The following PDE3A variants were observed in gnomAD, a reference collection of about 807,000 sequenced individuals.
PDE3A encodes phosphodiesterase 3A.
PDE3A carries 43 observed loss-of-function variants against 98.3 expected under a neutral mutation model. The observed-to-expected ratio is 0.44, with a 90% CI of 0.34 to 0.56. The LOEUF (loss-of-function observed/expected upper bound fraction) is 0.56, where lower values mean the gene tolerates loss of function less well. Among genes scored for constraint, PDE3A ranks in the 20% least tolerant of loss-of-function variants. The pLI, the probability that PDE3A is intolerant of heterozygous loss-of-function variation, is 0.01. For missense variants in PDE3A, 1,427 were observed against 1,440.7 expected, an observed-to-expected ratio of 0.99 and a Z score of 0.15; for synonymous variants, 663 against 567.9, an observed-to-expected ratio of 1.17 and a Z score of -2.38.
chr12:20,685,670 C>T lies in PDE3A; in HGVS notation c.*5399C>T, dbSNP rs1945941993. On this transcript the variant is annotated 3_prime_UTR_variant, in exon 16 of 16. Coordinates refer to ENST00000359062, the MANE Select transcript of PDE3A (RefSeq NM_000921.5). Reference sequence around the variant, plus strand: ...TTTCCAGATACAGCTAGTTTTTCTCCACATGTTTTTAAGGTTGATTTCCTT... The same window carrying T: ...TTTCCAGATACAGCTAGTTTTTCTCTACATGTTTTTAAGGTTGATTTCCTT... Among the ~76,000 whole-genome samples, 1 of 152,070 alleles carries T rather than the reference C, an allele frequency of 6.6e-6. No homozygotes were observed. Among genetic ancestry groups the T allele is most frequent in the Non-Finnish European group, 1.5e-5 (1 of 68,002 alleles).
At chr12:20,562,232 T>G (rs1942542519) in intron 2 of PDE3A, among the ~76,000 whole-genome samples, 1 of 150,862 alleles carries the variant, frequency 6.6e-6, no homozygotes, top group East Asian at 1.9e-4. Flanking sequence ...TTTTTTTTTT[T>G]TTTTTTGGAG....
At chr12:20,596,991 G>A (rs755359507) in intron 2 of PDE3A, among the ~76,000 whole-genome samples, 6 of 152,056 alleles carry the variant, frequency 3.9e-5, no homozygotes, top group African/African-American at 7.2e-5. Context: ...GTAGGGCTTC[G>A]GATCCAGACT....
At chr12:20,569,884 C>T (rs759157232) in intron 2 of PDE3A, among the ~76,000 whole-genome samples, 14 of 152,118 alleles carry the variant, frequency 9.2e-5, no homozygotes, top group Admixed American at 2.6e-4. Context: ...GCTTCACTAA[C>T]GTATTTATGG....
chr12:20,514,907 C>G (rs1033966049), intron 1 of PDE3A, among the ~76,000 whole-genome samples: 1 of 152,178 alleles, frequency 6.6e-6, no homozygotes, highest in African/African-American at 2.4e-5. Flanking sequence ...ATACCTGACA[C>G]TGGGTAACTT....
At chr12:20,502,857 G>C (rs1233250474) in intron 1 of PDE3A, among the ~76,000 whole-genome samples, 2 of 152,098 alleles carry the variant, frequency 1.3e-5, no homozygotes, top group African/African-American at 4.8e-5. Flanking sequence ...TTAAGAAGTG[G>C]TGTTTGGGAG....
At chr12:20,551,813 G>C in intron 1 of PDE3A, 6 of 1,613,974 alleles carry the variant, frequency 3.7e-6, no homozygotes, top group Non-Finnish European at 5.1e-6. Flanking sequence ...TCCTCACAGC[G>C]GGACTGGGAC....
intron 1 of PDE3A, among the ~76,000 whole-genome samples, chr12:20,394,962 A>T (rs1435395971): frequency 6.6e-6 from 1 of 152,088 alleles, no homozygotes; most frequent in African/African-American, 2.4e-5. Flanking sequence ...GATATATCTT[A>T]GATTATTGTG....
chr12:20,499,089 G>A (rs781655812), intron 1 of PDE3A, among the ~76,000 whole-genome samples: 1 of 152,172 alleles, frequency 6.6e-6, no homozygotes, highest in African/African-American at 2.4e-5. Flanking sequence ...GATGGGTCCT[G>A]TTGTGTGCTC....
chr12:20,649,974 G>C (rs1359348866), intron 13 of PDE3A, among the ~76,000 whole-genome samples: 1 of 151,894 alleles, frequency 6.6e-6, no homozygotes, highest in African/African-American at 2.4e-5. Context: ...ATTTAAAAAA[G>C]CATTTGTTGC....
intron 2 of PDE3A, among the ~76,000 whole-genome samples, chr12:20,612,288 G>T (rs1943876597): frequency 6.6e-6 from 1 of 151,082 alleles, no homozygotes; most frequent in African/African-American, 2.4e-5. Flanking sequence ...TGTTTGAATT[G>T]CCTATTCACT....
chr12:20,521,187 G>C (rs1303429517), intron 1 of PDE3A, among the ~76,000 whole-genome samples: 2 of 150,788 alleles, frequency 1.3e-5, no homozygotes, highest in Non-Finnish European at 2.9e-5. Context: ...TCATGTGGAG[G>C]TGTCTAGAAA....
intron 2 of PDE3A, among the ~76,000 whole-genome samples, chr12:20,608,677 A>AAAAT (rs966733014): frequency 2.0e-5 from 3 of 152,038 alleles, no homozygotes; most frequent in Non-Finnish European, 2.9e-5. Flanking sequence ...CTTTAAAGAA[A>AAAAT]AAATAAAATG....
At chr12:20,571,433 T>C (rs1300834390) in intron 2 of PDE3A, among the ~76,000 whole-genome samples, 3 of 151,948 alleles carry the variant, frequency 2.0e-5, no homozygotes, top group African/African-American at 4.8e-5. Flanking sequence ...CCCCCTGGAG[T>C]TGTGCAGCGC....
At chr12:20,431,086 A>G (rs1456869658) in intron 1 of PDE3A, among the ~76,000 whole-genome samples, 1 of 152,078 alleles carries the variant, frequency 6.6e-6, no homozygotes, top group Non-Finnish European at 1.5e-5. Context: ...CATTTGTGGG[A>G]AGAAATATTA....
chr12:20,412,242 T>C (rs7957567), intron 1 of PDE3A, among the ~76,000 whole-genome samples: 93,836 of 151,982 alleles, frequency 0.62, 30,742 homozygotes, highest in East Asian at 0.89. Context: ...TAAATATTTG[T>C]TGTGTTAGTG....
chr12:20,638,719 G>A lies in PDE3A; in HGVS notation c.2140-1127G>A, dbSNP rs560143293. On this transcript the variant is annotated intron_variant, in intron 9 of 15. Coordinates refer to ENST00000359062, the MANE Select transcript of PDE3A (RefSeq NM_000921.5). ...ACAGGATGTGGCAATGAGTCAGGAA[G>A]CATTTTCTCTCTTGATTTTATTTTT... Among the ~76,000 whole-genome samples, 3 of 152,272 alleles carry A rather than the reference G, an allele frequency of 2.0e-5. No homozygotes were observed. The East Asian group carries it at 5.8e-4, about 29-fold the overall frequency.
At chr12:20,603,937 G>A (rs2121418482) in intron 2 of PDE3A, among the ~76,000 whole-genome samples, 1 of 152,274 alleles carries the variant, frequency 6.6e-6, no homozygotes, top group East Asian at 1.9e-4. Flanking sequence ...TTGGGAGGCT[G>A]AGGCAGGCGG....
intron 1 of PDE3A, among the ~76,000 whole-genome samples, chr12:20,522,927 G>T (rs556311604): frequency 6.6e-6 from 1 of 152,054 alleles, no homozygotes; most frequent in East Asian, 1.9e-4. Flanking sequence ...CATGGGGAAG[G>T]TTGGCACTGG....
rs145339580 is a variant in PDE3A at position 20,439,884 on chromosome 12, T to A, written c.960+69640T>A. Among the ~76,000 whole-genome samples the A allele has an allele frequency of 1.7e-3, 261 of 152,286 alleles. 1 individual carries two copies. Among genetic ancestry groups the A allele is most frequent in the African/African-American group, 5.9e-3 (247 of 41,576 alleles). On this transcript the variant is annotated intron_variant, in intron 1 of 15. Coordinates refer to ENST00000359062, the MANE Select transcript of PDE3A (RefSeq NM_000921.5). ...ATAGGAACAGACAGCTAGCACTATC[T>A]AGTAGAGCTTTGCTTTTGTGACAAC... is the stretch of plus-strand genomic sequence containing the variant.
Sources: gnomAD v4.1 joint callset for allele counts (sites outside exome capture counted in the v4.1 genomes callset) on GRCh38, gnomAD v4.1.1 for gene constraint, MANE v1.5 for transcripts, NCBI Gene and HGNC (gene_info 2026-07-23, HGNC 2026-07-21) for gene names.